Variants in HTT observed in about 807,000 individuals in gnomAD.
The protein encoded by HTT is huntington disease protein.
HTT carries 104 observed loss-of-function variants against 362.3 expected under a neutral mutation model. That is an observed-to-expected ratio of 0.29 (90% CI 0.24 to 0.34). HTT has a LOEUF of 0.34. HTT is among the 10% of genes least tolerant of loss of function. The pLI is 1.00. For synonymous variants in HTT, 1,577 were observed against 1,548.7 expected (o/e 1.02, Z -0.43); for missense variants, 3,301 against 3,928.6 (o/e 0.84, Z 4.27).
chr4:3,085,899 C>T (rs1713183302), intron 1 of HTT, among the ~76,000 whole-genome samples: 2 of 152,166 alleles, frequency 1.3e-5, no homozygotes, highest in South Asian at 2.1e-4. Flanking sequence ...TGATCATCTT[C>T]GCCAGGCTGT....
intron 40 of HTT, among the ~76,000 whole-genome samples, chr4:3,195,553 A>T (rs1719210957): frequency 6.6e-6 from 1 of 151,876 alleles, no homozygotes; most frequent in South Asian, 2.1e-4. Flanking sequence ...ACTGCTGCTC[A>T]TCACTACTCG....
At chr4:3,094,727 G>A (rs1471183015) in intron 2 of HTT, among the ~76,000 whole-genome samples, 41 of 130,302 alleles carry the variant, frequency 3.1e-4, no homozygotes, top group Non-Finnish European at 4.3e-4. Flanking sequence ...CCCACCTCCC[G>A]GACGGAGCGG....
Position 3,218,059 on chromosome 4 carries a change from G to T in HTT, c.7242+107G>T, listed in dbSNP as rs1720500053. 1.0e-6 allele frequency: 1 copy of T among 978,422 alleles called. No homozygotes were observed. The highest frequency in any genetic ancestry group is 1.5e-6 in the Non-Finnish European group (1 of 679,222). 60.6% of individuals were successfully genotyped at this position (978,422 alleles called of 1,614,324 possible). A position where few individuals can be genotyped will look rare whatever the true frequency, so the allele number is the denominator to read the frequency against. On this transcript the variant is annotated intron_variant, in intron 52 of 66. Transcript: ENST00000355072. The surrounding 1 kb of genome is among the most constrained non-coding windows in gnomAD (Gnocchi z 4.4). Reference sequence around the variant, plus strand: ...GGGACAGAATCCCCGCAGCCCAGAGGCTGCCTGCTGTGGTTCTGGTGCCCA... The same window carrying T: ...GGGACAGAATCCCCGCAGCCCAGAGTCTGCCTGCTGTGGTTCTGGTGCCCA...
intron 41 of HTT, 91 bp downstream of exon 41, chr4:3,200,030 A>G: frequency 9.8e-7 from 1 of 1,020,548 alleles, no homozygotes; most frequent in Non-Finnish European, 1.4e-6. Flanking sequence ...CCGTTAAAGC[A>G]TTTTCATTTT....
At chr4:3,236,037 C>T in intron 63 of HTT, 112 bp from the exon 64 acceptor site, 1 of 843,154 alleles carries the variant, frequency 1.2e-6, no homozygotes, top group South Asian at 1.4e-5. Context: ...GGGCTGATAT[C>T]ACCTGCTTTC....
chr4:3,223,320 T>G, intron 54 of HTT, 86 bp from the exon 55 acceptor site: 1 of 1,317,496 alleles, frequency 7.6e-7, no homozygotes, highest in Non-Finnish European at 1.0e-6. Context: ...TTCCTCCCAT[T>G]GAGGCAGGGA....
intron 40 of HTT, among the ~76,000 whole-genome samples, chr4:3,198,298 C>T (rs1719364750): frequency 6.9e-6 from 1 of 145,326 alleles, no homozygotes; most frequent in Admixed American, 6.9e-5. Flanking sequence ...CGATCTTGGC[C>T]ACTGCTGCCC....
intron 24 of HTT, 131 bp downstream of exon 24, chr4:3,145,359 A>C: frequency 1.5e-6 from 1 of 687,920 alleles, no homozygotes; most frequent in Non-Finnish European, 2.6e-6. Context: ...TATCTGATGG[A>C]ATACTTGTTT....
At chr4:3,162,104 G>T (rs1717475035) in intron 29 of HTT, among the ~76,000 whole-genome samples, 1 of 152,156 alleles carries the variant, frequency 6.6e-6, no homozygotes, top group East Asian at 1.9e-4. Context: ...TTTGTGTAAG[G>T]TATAAGGAAG....
At chr4:3,178,574 G>A in intron 35 of HTT, 128 bp downstream of exon 35, 1 of 763,246 alleles carries the variant, frequency 1.3e-6, no homozygotes, top group Non-Finnish European at 2.2e-6. Context: ...ATGTGTGTCT[G>A]TGTATGTGAA....
intron 61 of HTT, among the ~76,000 whole-genome samples, chr4:3,235,003 G>A (rs1319527655): frequency 6.6e-6 from 1 of 152,200 alleles, no homozygotes; most frequent in Non-Finnish European, 1.5e-5. Context: ...GAGAGGAAGT[G>A]TGTGGTGGCC....
At chr4:3,160,519 G>T in intron 29 of HTT, 127 bp downstream of exon 29, 2 of 682,354 alleles carry the variant, frequency 2.9e-6, no homozygotes, top group Non-Finnish European at 5.3e-6. Flanking sequence ...CCTGCCCCAC[G>T]TGCTTGCGTC....
intron 22 of HTT, 51 bp downstream of exon 22, chr4:3,140,707 G>A: frequency 6.5e-7 from 1 of 1,550,112 alleles, no homozygotes; most frequent in Non-Finnish European, 8.8e-7. Flanking sequence ...GCCCTTTCCT[G>A]ATGCCTTTCT....
chr4:3,158,117 G>A (rs1225752309), intron 28 of HTT, among the ~76,000 whole-genome samples: 1 of 151,560 alleles, frequency 6.6e-6, no homozygotes, highest in Non-Finnish European at 1.5e-5. Flanking sequence ...CTGAGTACCT[G>A]GGACTACCGG....
chr4:3,226,924 G>A (rs1720948938), intron 57 of HTT, among the ~76,000 whole-genome samples: 1 of 152,212 alleles, frequency 6.6e-6, no homozygotes, highest in Admixed American at 6.5e-5. Context: ...CCACTCTTCT[G>A]TCCTTTCACC....
At chr4:3,142,993 C>T (rs1282685833) in intron 23 of HTT, 107 bp downstream of exon 23, 10 of 775,020 alleles carry the variant, frequency 1.3e-5, no homozygotes, top group Non-Finnish European at 2.1e-5. Flanking sequence ...TGTCTTACAG[C>T]TCTTACTTAT....
At position 3,187,838 on chromosome 4, in the gene HTT, A is replaced by G; in HGVS notation, c.5177A>G (p.His1726Arg). ...DGDSTSTLEEHSEGKQIKNLP... is the reference protein window; with the variant it reads ...DGDSTSTLEERSEGKQIKNLP... ...GACAGTACTTCAACGCTAGAAGAAC[A>G]CAGTGAAGGGAAACAAATAAAGAAT... The change falls in exon 39 of 67, where the codon CAC (histidine) becomes CGC (arginine). Residue 1726 changes from histidine to arginine, a missense_variant. By Grantham distance (29) the His-to-Arg change is conservative. Coordinates refer to ENST00000355072, the MANE Select transcript of HTT (RefSeq NM_001388492.1). The G allele has an allele frequency of 2.5e-6, 4 of 1,613,422 alleles. No individual in the cohort carries two copies. Among genetic ancestry groups the G allele is most frequent in the Non-Finnish European group, 2.5e-6 (3 of 1,179,356 alleles).
chr4:3,219,937 GC>G (rs151165698), intron 52 of HTT, among the ~76,000 whole-genome samples: 2,219 of 152,252 alleles, frequency 0.015, 57 homozygotes, highest in African/African-American at 0.05. Flanking sequence ...AGTGGGGTGT[GC>G]CAGCAGCCTC....
rs117296125 is a variant in HTT at position 3,190,113 on chromosome 4, G to A, written c.5368+1020G>A. On this transcript the variant is annotated intron_variant, in intron 40 of 66. Coordinates refer to ENST00000355072, the MANE Select transcript of HTT (RefSeq NM_001388492.1). ...AATCCCAACACTTTGGGAGGTCAAG[G>A]TAAAAGGATCACTTGAAGCCAGGAG... Among the ~76,000 whole-genome samples the A allele has an allele frequency of 5.8e-4, 89 of 152,278 alleles. 1 individual carries two copies. The East Asian group carries it at 0.015, about 25-fold the overall frequency.
Sources: allele counts gnomAD v4.1 joint callset (sites outside exome capture counted in the v4.1 genomes callset), GRCh38; gene constraint gnomAD v4.1.1; non-coding constraint Gnocchi (gnomAD v3.1); transcripts MANE v1.5; gene names NCBI Gene and HGNC (gene_info 2026-07-23, HGNC 2026-07-21).